Variants in MELK observed in about 807,000 individuals in gnomAD.
MELK encodes pEg3 kinase.
Under a neutral mutation model 85.0 loss-of-function variants are expected in MELK, and 81 were observed. That is an observed-to-expected ratio of 0.95 (90% confidence interval 0.80 to 1.15). The LOEUF (loss-of-function observed/expected upper bound fraction) is 1.15, where lower values mean the gene tolerates loss of function less well. Ranked by LOEUF, MELK falls within the 50% of genes most tolerant of loss-of-function variation. MELK has a pLI of 0.00. For synonymous variants in MELK, 252 were observed against 265.0 expected, an observed-to-expected ratio of 0.95 and a Z score of 0.48; for missense variants, 754 against 777.5, an observed-to-expected ratio of 0.97 and a Z score of 0.36.
chr9:36,578,524 G>A (rs1821875874), intron 1 of MELK, among the ~76,000 whole-genome samples: 1 of 152,154 alleles, frequency 6.6e-6, no homozygotes, highest in African/African-American at 2.4e-5. Context: ...TGAGAATTTT[G>A]GGTAGTCTCA....
At chr9:36,639,957 G>T (rs1259021790) in intron 10 of MELK, among the ~76,000 whole-genome samples, 1 of 152,198 alleles carries the variant, frequency 6.6e-6, no homozygotes, top group Non-Finnish European at 1.5e-5. Context: ...AGGTATTAAG[G>T]TGTCTAGGCT....
At chr9:36,588,844 C>A (rs751884296) in intron 3 of MELK, among the ~76,000 whole-genome samples, 1 of 152,134 alleles carries the variant, frequency 6.6e-6, no homozygotes, top group African/African-American at 2.4e-5. Context: ...ACAGTGAATA[C>A]CCATATACCT....
At chr9:36,607,908 G>A (rs1825712701) in intron 8 of MELK, among the ~76,000 whole-genome samples, 2 of 152,140 alleles carry the variant, frequency 1.3e-5, no homozygotes, top group Admixed American at 6.5e-5. Context: ...TTTGCTTTCT[G>A]CGGTCTTAGT....
intron 5 of MELK, 43 bp from the exon 6 acceptor site, chr9:36,597,179 A>C (rs1564139868): frequency 6.6e-7 from 1 of 1,526,702 alleles, no homozygotes; most frequent in Admixed American, 1.7e-5. Flanking sequence ...ATGTGATATA[A>C]GGAAGTCAGT....
At chr9:36,612,380 C>A (rs749732642) in intron 8 of MELK, among the ~76,000 whole-genome samples, 3 of 151,386 alleles carry the variant, frequency 2.0e-5, no homozygotes, top group Non-Finnish European at 4.4e-5. Flanking sequence ...CAGGCATGAG[C>A]CACCACATCT....
At chr9:36,622,660 G>C (rs1012631318) in intron 8 of MELK, among the ~76,000 whole-genome samples, 1 of 152,192 alleles carries the variant, frequency 6.6e-6, no homozygotes, top group Admixed American at 6.5e-5. Context: ...TGAAAATTGA[G>C]TAGTTTGAAA....
chr9:36,595,843 C>G (rs1334629975), intron 5 of MELK, among the ~76,000 whole-genome samples: 3 of 151,756 alleles, frequency 2.0e-5, no homozygotes, highest in Admixed American at 6.6e-5. Context: ...TGAGACTGAG[C>G]CTTGCTCTGT....
At chr9:36,592,270 G>C (rs1332004453) in intron 4 of MELK, among the ~76,000 whole-genome samples, 1 of 151,220 alleles carries the variant, frequency 6.6e-6, no homozygotes, top group Non-Finnish European at 1.5e-5. Context: ...CGCCTCCCGG[G>C]TTCAAGTGAT....
At chr9:36,665,739 C>T (rs1832277493) in intron 14 of MELK, among the ~76,000 whole-genome samples, 158 bp downstream of exon 14, 1 of 152,156 alleles carries the variant, frequency 6.6e-6, no homozygotes, top group Non-Finnish European at 1.5e-5. Flanking sequence ...AAAATGAAAG[C>T]ATATTTGTCA....
intron 8 of MELK, among the ~76,000 whole-genome samples, chr9:36,616,514 T>A (rs1482238319): frequency 6.6e-6 from 1 of 151,514 alleles, no homozygotes; most frequent in East Asian, 1.9e-4. Context: ...CTCAGCCTCC[T>A]GAATAGCTGG....
intron 2 of MELK, among the ~76,000 whole-genome samples, chr9:36,582,057 T>C (rs886727442): frequency 6.6e-6 from 1 of 151,980 alleles, no homozygotes; most frequent in Non-Finnish European, 1.5e-5. Context: ...CTGCAAGCTC[T>C]GCCTCCCGGG....
At chr9:36,598,336 A>C (rs1462172227) in intron 6 of MELK, among the ~76,000 whole-genome samples, 2 of 152,176 alleles carry the variant, frequency 1.3e-5, no homozygotes, top group East Asian at 3.8e-4. Context: ...CGGATTACAC[A>C]CATAGACACC....
chr9:36,670,963 G>C (rs757494547), intron 15 of MELK, 35 bp from the exon 16 acceptor site: 2 of 1,578,536 alleles, frequency 1.3e-6, no homozygotes, highest in Non-Finnish European at 1.7e-6. Context: ...CGGAGGCCCA[G>C]CTCTACTTGT....
intron 2 of MELK, among the ~76,000 whole-genome samples, 184 bp from the exon 3 acceptor site, chr9:36,583,443 A>G (rs1227810041): frequency 1.3e-5 from 2 of 149,362 alleles, no homozygotes; most frequent in Non-Finnish European, 3.0e-5. Flanking sequence ...TTTGAGATAC[A>G]CTATCATGGT....
chr9:36,632,361 C>A (rs1375250077), intron 9 of MELK, among the ~76,000 whole-genome samples: 4 of 152,130 alleles, frequency 2.6e-5, no homozygotes, highest in African/African-American at 9.7e-5. Flanking sequence ...CTGAGCCTGG[C>A]CTCACTGCTA....
In MELK at chr9:36,671,001, C is replaced by A; in HGVS notation, c.1509C>A (p.Cys503Ter). The change falls in exon 16 of 18, where the codon TGC (cysteine) becomes TGA (stop). Residue 503 changes from cysteine (C) to a stop codon, truncating the protein, a stop_gained. Coordinates refer to ENST00000298048, the MANE Select transcript of MELK (RefSeq NM_014791.4). LOFTEE classifies it high-confidence loss of function. Reference sequence around the variant, plus strand: ...CTTGTTTTATGTTTTGTTTCAGGTGCCGCTCAGTGGAATTGGATCTCAACC... The same window carrying A: ...CTTGTTTTATGTTTTGTTTCAGGTGACGCTCAGTGGAATTGGATCTCAACC... ...MTGVISPERRCRSVELDLNQA... is the reference protein window; with the variant it reads ...MTGVISPERR 6.2e-7 allele frequency: 1 copy of A among 1,605,618 alleles called. No homozygotes were observed.
chr9:36,593,819 G>A (rs542400922), intron 4 of MELK, among the ~76,000 whole-genome samples: 1 of 152,250 alleles, frequency 6.6e-6, no homozygotes, highest in South Asian at 2.1e-4. Flanking sequence ...AGTCTCCTGA[G>A]TAGCTGGGAT....
chr9:36,618,540 T>C (rs1827084629), intron 8 of MELK, among the ~76,000 whole-genome samples: 1 of 152,242 alleles, frequency 6.6e-6, no homozygotes, highest in Non-Finnish European at 1.5e-5. Flanking sequence ...TTTCAAGTTT[T>C]GCAGACAACT....
chr9:36,585,302 G>GTTTTTTTTTTTTTTTT (rs869244728), intron 3 of MELK, among the ~76,000 whole-genome samples: 2 of 77,830 alleles, frequency 2.6e-5, no homozygotes, highest in Non-Finnish European at 4.7e-5. Flanking sequence ...ACCATTCTTT[G>GTTTTTTTTTTTTTTTT]TTTTTTTTTT....
Sources: allele counts gnomAD v4.1 joint callset (sites outside exome capture counted in the v4.1 genomes callset), GRCh38; gene constraint gnomAD v4.1.1; transcripts MANE v1.5; gene names NCBI Gene and HGNC (gene_info 2026-07-23, HGNC 2026-07-21).